Variants in KCNN2 observed in about 807,000 individuals in gnomAD.
The protein encoded by KCNN2 is small conductance calcium-activated potassium channel protein 2.
KCNN2 carries 24 observed loss-of-function variants against 55.5 expected under a neutral mutation model. The ratio of observed to expected loss-of-function variants is 0.43; its 90% CI spans 0.31 to 0.61. The LOEUF (loss-of-function observed/expected upper bound fraction) is 0.61, where lower values mean the gene tolerates loss of function less well. Ranked by LOEUF, KCNN2 falls within the 20% of genes least tolerant of loss-of-function variation. The pLI, the probability that KCNN2 is intolerant of heterozygous loss-of-function variation, is 0.08. For missense variants in KCNN2, 754 were observed against 853.6 expected (o/e 0.88, Z 1.45); for synonymous variants, 431 against 336.1 (o/e 1.28, Z -3.09).
rs543850806 is a variant in KCNN2, at chr5:114,365,350, C to G, written c.1218+1349C>G. On this transcript the variant is annotated intron_variant, in intron 2 of 7. Transcript: ENST00000673685. ...AAAGTTTTAACAGTTTACATAGATT[C>G]ATCTTTAATTCAATACTAGTGATGG... Among the ~76,000 whole-genome samples the G allele has an allele frequency of 8.5e-5, 13 of 152,268 alleles. 1 individual carries two copies. The South Asian group carries it at 2.7e-3, about 32-fold the overall frequency.
intron 1 of KCNN2, among the ~76,000 whole-genome samples, chr5:114,162,537 A>G (rs1199668209): frequency 6.6e-6 from 1 of 152,174 alleles, no homozygotes; most frequent in Admixed American, 6.5e-5. Flanking sequence ...ACTGTCAGAC[A>G]GGGACATTTA....
At chr5:114,294,953 T>G (rs1056239520) in intron 2 of KCNN2, among the ~76,000 whole-genome samples, 1 of 152,196 alleles carries the variant, frequency 6.6e-6, no homozygotes, top group Non-Finnish European at 1.5e-5. Context: ...CTTTTGATCT[T>G]TGTTGATTTA....
chr5:114,171,685 T>TA (rs1753036670), intron 1 of KCNN2, among the ~76,000 whole-genome samples: 1 of 151,412 alleles, frequency 6.6e-6, no homozygotes, highest in Non-Finnish European at 1.5e-5. Flanking sequence ...TATGCTTTTT[T>TA]TTTTTGAGAA....
intron 2 of KCNN2, among the ~76,000 whole-genome samples, chr5:114,260,206 G>A (rs1755074182): frequency 6.6e-6 from 1 of 152,074 alleles, no homozygotes; most frequent in Non-Finnish European, 1.5e-5. Flanking sequence ...TGCAGCAGCT[G>A]GAGTGATCTT....
chr5:114,067,482 T>C (rs1345102154), intron 1 of KCNN2, among the ~76,000 whole-genome samples: 2 of 152,248 alleles, frequency 1.3e-5, no homozygotes, highest in Non-Finnish European at 2.9e-5. Context: ...TCTAATGGGA[T>C]ATAAGTGATT....
intron 2 of KCNN2, among the ~76,000 whole-genome samples, chr5:114,263,956 G>C (rs1275729583): frequency 3.3e-5 from 5 of 152,130 alleles, no homozygotes; most frequent in Non-Finnish European, 5.9e-5. Context: ...TGCAAGCAAG[G>C]CTCTCTGAGC....
intron 1 of KCNN2, among the ~76,000 whole-genome samples, chr5:114,101,555 A>G (rs1751373499): frequency 6.6e-6 from 1 of 151,628 alleles, no homozygotes; most frequent in South Asian, 2.1e-4. Context: ...GTCTGCAATT[A>G]GGTATTTCTC....
chr5:114,389,104 CGTGT>C (rs1758371082), intron 2 of KCNN2, among the ~76,000 whole-genome samples: 1 of 151,372 alleles, frequency 6.6e-6, no homozygotes. Flanking sequence ...TATGTGTGTG[CGTGT>C]GTGAGTGTGT....
intron 1 of KCNN2, among the ~76,000 whole-genome samples, chr5:114,134,414 T>G (rs1253375546): frequency 6.6e-6 from 1 of 151,666 alleles, no homozygotes; most frequent in African/African-American, 2.4e-5. Flanking sequence ...TAGGCTAAAT[T>G]TAAGAACCTA....
rs574107960 is a variant in KCNN2 at position 114,362,921 on chromosome 5, C to T, written c.782C>T (p.Pro261Leu). The T allele has an allele frequency of 1.1e-5, 18 of 1,572,130 alleles. No individual in the cohort carries two copies. In the South Asian group the frequency reaches 1.2e-4, roughly 11 times the overall value. The change falls in exon 1 of 8, where the codon CCG becomes CTG. Residue 261 changes from proline (P) to leucine (L), a missense_variant. Physicochemically the swap from Pro to Leu is moderately conservative, Grantham distance 98. Transcript: ENST00000673685. ...GGAGGAGGTGGCGGCGCGTCCTCCC[C>T]GTCTGCAGCCGCTGCCGCCGCCGCC... The part of the protein sequence containing the change: ...SVGGGGGASS[P>L]SAAAAAAAAV...
intron 1 of KCNN2, among the ~76,000 whole-genome samples, chr5:114,136,123 T>G (rs1235164575): frequency 6.6e-6 from 1 of 152,152 alleles, no homozygotes; most frequent in African/African-American, 2.4e-5. Context: ...CATAGCATCA[T>G]GGAACAGAAT....
At chr5:114,160,249 A>G (rs953956867) in intron 1 of KCNN2, among the ~76,000 whole-genome samples, 1 of 152,062 alleles carries the variant, frequency 6.6e-6, no homozygotes, top group Admixed American at 6.5e-5. Context: ...TTCTGCCTTC[A>G]TTTCATTATG....
Position 114,495,236 on chromosome 5 carries a change from G to T in KCNN2, c.2089-659G>T, listed in dbSNP as rs575746943. On this transcript the variant is annotated intron_variant, in intron 7 of 7. Transcript: ENST00000673685. ...AGAGCCATGGCCAACAAGGTAGACT[G>T]GTAACTTCAGTATCTCCCTTAACTA... Among the ~76,000 whole-genome samples the T allele has an allele frequency of 2.0e-5, 3 of 152,254 alleles. No homozygotes were observed. The East Asian group carries it at 5.8e-4, about 29-fold the overall frequency.
intron 2 of KCNN2, among the ~76,000 whole-genome samples, chr5:114,354,794 G>C (rs927724398): frequency 3.9e-5 from 6 of 152,060 alleles, no homozygotes; most frequent in Non-Finnish European, 5.9e-5. Context: ...CATTAAATTT[G>C]TCTAGCATAT....
chr5:114,155,258 T>G (rs948676692), intron 1 of KCNN2, among the ~76,000 whole-genome samples: 22 of 152,206 alleles, frequency 1.4e-4, no homozygotes, highest in African/African-American at 5.1e-4. Context: ...ATGGTGTATA[T>G]GTACCACATT....
chr5:114,272,086 T>C (rs1250820495), intron 2 of KCNN2, among the ~76,000 whole-genome samples: 1 of 152,190 alleles, frequency 6.6e-6, no homozygotes, highest in Non-Finnish European at 1.5e-5. Flanking sequence ...TTATAATGCT[T>C]ATGATAAACA....
At chr5:114,138,098 C>T (rs1044931335) in intron 1 of KCNN2, among the ~76,000 whole-genome samples, 2 of 151,950 alleles carry the variant, frequency 1.3e-5, no homozygotes. Context: ...AAATTTTAGA[C>T]CAACCATTGA....
intron 1 of KCNN2, among the ~76,000 whole-genome samples, chr5:114,057,692 C>T (rs892020472): frequency 6.6e-6 from 1 of 151,590 alleles, no homozygotes; most frequent in African/African-American, 2.4e-5. Context: ...GACTGGTTAC[C>T]TTCATATGGT....
chr5:114,186,229 G>A (rs1415695685), intron 1 of KCNN2, among the ~76,000 whole-genome samples: 1 of 152,060 alleles, frequency 6.6e-6, no homozygotes, highest in Non-Finnish European at 1.5e-5. Context: ...TCAGAATTTG[G>A]TGTCATTAGA....
Sources: gnomAD v4.1 joint callset for allele counts (sites outside exome capture counted in the v4.1 genomes callset) on GRCh38, gnomAD v4.1.1 for gene constraint, MANE v1.5 for transcripts, NCBI Gene and HGNC (gene_info 2026-07-23, HGNC 2026-07-21) for gene names.